CWH43: variants seen among roughly 807,000 people sequenced by gnomAD.
The protein encoded by CWH43 is PGAP2-interacting protein.
CWH43 carries 91 observed loss-of-function variants against 85.7 expected under a neutral mutation model. That is an observed-to-expected ratio of 1.06 (90% confidence interval 0.90 to 1.26). The LOEUF is 1.26. CWH43 is among the 50% of genes most tolerant of loss of function. CWH43 has a pLI of 0.00. For synonymous variants in CWH43, 323 were observed against 293.6 expected (o/e 1.10, Z -1.02); for missense variants, 869 against 839.2 (o/e 1.04, Z -0.44).
At chr4:49,032,333 C>T (rs1462489056) in intron 11 of CWH43, among the ~76,000 whole-genome samples, 1 of 152,142 alleles carries the variant, frequency 6.6e-6, no homozygotes, top group Non-Finnish European at 1.5e-5. Context: ...GTGTCCATAG[C>T]ACTTATTAAA....
At chr4:49,051,789 C>G (rs1784806737) in intron 15 of CWH43, among the ~76,000 whole-genome samples, 1 of 152,140 alleles carries the variant, frequency 6.6e-6, no homozygotes. Context: ...ATTGGTCAGG[C>G]TGGTCTCGAA....
chr4:49,048,533 C>G (rs1279925452), intron 14 of CWH43, among the ~76,000 whole-genome samples: 2 of 151,938 alleles, frequency 1.3e-5, no homozygotes, highest in African/African-American at 4.8e-5. Flanking sequence ...GATTCTAAGA[C>G]CAAGATTAAG....
At chr4:49,050,357 C>T (rs1784754966) in intron 14 of CWH43, among the ~76,000 whole-genome samples, 1 of 152,040 alleles carries the variant, frequency 6.6e-6, no homozygotes, top group Admixed American at 6.6e-5. Flanking sequence ...GGTGAACACC[C>T]CTGTCATTCT....
intron 2 of CWH43, 103 bp downstream of exon 2, chr4:48,988,771 T>G (rs1782568563): frequency 1.4e-6 from 1 of 727,448 alleles, no homozygotes; most frequent in South Asian, 2.6e-5. Flanking sequence ...ATTTAAAAAA[T>G]CAAAGATTTC....
intron 15 of CWH43, among the ~76,000 whole-genome samples, chr4:49,060,113 G>A (rs1785100634): frequency 6.6e-6 from 1 of 152,092 alleles, no homozygotes; most frequent in African/African-American, 2.4e-5. Context: ...CACAGGGCCA[G>A]TCTAGAACCT....
At chr4:49,060,402 G>A (rs1203791318) in intron 15 of CWH43, among the ~76,000 whole-genome samples, 1 of 152,094 alleles carries the variant, frequency 6.6e-6, no homozygotes, top group Non-Finnish European at 1.5e-5. Context: ...GATGGAGCCT[G>A]AATTTGCTAG....
Position 49,003,982 on chromosome 4 carries a change from T to C in CWH43, c.1050T>C (p.Asp350=). 1 of 1,610,834 alleles carries C rather than the reference T, an allele frequency of 6.2e-7. No homozygotes were observed. The highest frequency in any genetic ancestry group is 1.3e-5 in the African/African-American group (1 of 74,952). Residue 350 remains aspartate, a synonymous_variant, in exon 7 of 16, where the codon GAT becomes GAC. Transcript: ENST00000226432. ...PGGVYARERS[D]VLLGTMMLII... is the part of the protein sequence containing the mutation. ...GTGTCTACGCTAGAGAAAGATCAGA[T>C]GTGCTTTTGGGTGAGTACATTTGAA...
In CWH43 at chr4:49,025,968, T is replaced by C. The variant is rs545646469; in HGVS notation, c.1267-2661T>C. On this transcript the variant is annotated intron_variant, in intron 9 of 15. Transcript: ENST00000226432. ...GGGCCAGTAGAGAAAGACCATCAGG[T>C]AGGGGCAGGGTTAGGTGTGTCTGAG... Among the ~76,000 whole-genome samples, 6 of 152,044 alleles carry C rather than the reference T, an allele frequency of 3.9e-5. No homozygotes were observed. The East Asian group carries it at 1.2e-3, about 29-fold the overall frequency.
At chr4:49,015,673 A>G (rs1462636146) in intron 8 of CWH43, among the ~76,000 whole-genome samples, 4 of 152,130 alleles carry the variant, frequency 2.6e-5, no homozygotes, top group Non-Finnish European at 2.9e-5. Flanking sequence ...CCAATTAGAT[A>G]TGTGTTGGAC....
intron 14 of CWH43, among the ~76,000 whole-genome samples, chr4:49,045,869 G>T (rs1784608100): frequency 6.6e-6 from 1 of 151,816 alleles, no homozygotes; most frequent in South Asian, 2.1e-4. Context: ...TCATTTCTTT[G>T]TTGTAAGAAT....
intron 3 of CWH43, among the ~76,000 whole-genome samples, 168 bp downstream of exon 3, chr4:48,991,742 T>C (rs1273948244): frequency 6.6e-6 from 1 of 152,176 alleles, no homozygotes; most frequent in African/African-American, 2.4e-5. Flanking sequence ...TTGCCATCAA[T>C]CTCAATAAGG....
chr4:49,010,389 G>A (rs1182064892), intron 8 of CWH43, among the ~76,000 whole-genome samples: 1 of 152,028 alleles, frequency 6.6e-6, no homozygotes, highest in Non-Finnish European at 1.5e-5. Context: ...AGTCTTGCTA[G>A]TGATCTATCA....
At chr4:49,001,726 AATG>A (rs1782999149) in intron 6 of CWH43, among the ~76,000 whole-genome samples, 1 of 152,128 alleles carries the variant, frequency 6.6e-6, no homozygotes, top group African/African-American at 2.4e-5. Context: ...TAGAAATAAA[AATG>A]ATAACAGTCA....
intron 6 of CWH43, among the ~76,000 whole-genome samples, chr4:49,002,385 A>C (rs1339654206): frequency 6.6e-6 from 1 of 152,174 alleles, no homozygotes; most frequent in East Asian, 1.9e-4. Context: ...TTTAGAAAAA[A>C]ATTATTTACA....
intron 15 of CWH43, 130 bp downstream of exon 15, chr4:49,050,979 A>G: frequency 1.6e-6 from 1 of 613,530 alleles, no homozygotes; most frequent in Non-Finnish European, 2.6e-6. Context: ...GGAGACTGTG[A>G]CAAAGATGAT....
Position 49,030,818 on chromosome 4 carries a change from TGAA to T in CWH43, c.1373-6_1373-4del. The stretch of plus-strand genomic sequence containing the variant: ...TCACTGTATGCTACTTTTTTTTTTC[TGAA>T]CAGGTGCAGATTTCATAACAATTTT... On this transcript the variant is annotated splice_region_variant and splice_polypyrimidine_tract_variant and intron_variant, in intron 10 of 15. Transcript: ENST00000226432. 6.4e-7 allele frequency: 1 copy of T among 1,557,886 alleles called. No individual in the cohort carries two copies. Among genetic ancestry groups the T allele is most frequent in the Admixed American group, 2.1e-5 (1 of 46,760 alleles).
chr4:49,049,396 A>G (rs1285414991), intron 14 of CWH43, among the ~76,000 whole-genome samples: 10 of 151,904 alleles, frequency 6.6e-5, no homozygotes, highest in Non-Finnish European at 5.9e-5. Context: ...TCTTTTACCT[A>G]AGTTATTGCA....
chr4:48,991,282 A>G (rs983860029), intron 2 of CWH43, among the ~76,000 whole-genome samples, 172 bp from the exon 3 acceptor site: 7 of 152,232 alleles, frequency 4.6e-5, no homozygotes, highest in Non-Finnish European at 1.0e-4. Context: ...GGTGACTTTT[A>G]TGATATGTGA....
intron 9 of CWH43, among the ~76,000 whole-genome samples, chr4:49,024,030 T>C (rs1783828450): frequency 6.6e-6 from 1 of 152,248 alleles, no homozygotes; most frequent in Admixed American, 6.5e-5. Flanking sequence ...GGTTCCAGTG[T>C]TAGGTGCATA....
Sources: allele counts gnomAD v4.1 joint callset (sites outside exome capture counted in the v4.1 genomes callset), GRCh38; gene constraint gnomAD v4.1.1; transcripts MANE v1.5; gene names NCBI Gene and HGNC (gene_info 2026-07-23, HGNC 2026-07-21).